BCAS1: variants seen among roughly 807,000 people sequenced by gnomAD.
BCAS1 encodes breast carcinoma-amplified sequence 1.
BCAS1 carries 46 observed loss-of-function variants against 65.4 expected under a neutral mutation model. The ratio of observed to expected loss-of-function variants is 0.70; its 90% CI spans 0.55 to 0.90. The LOEUF is 0.90. Ranked by LOEUF, BCAS1 falls within the 40% of genes least tolerant of loss-of-function variation. The pLI is 0.00. For synonymous variants in BCAS1, 298 were observed against 293.5 expected, an observed-to-expected ratio of 1.02 and a Z score of -0.16; for missense variants, 793 against 771.2, an observed-to-expected ratio of 1.03 and a Z score of -0.33.
intron 9 of BCAS1, among the ~76,000 whole-genome samples, chr20:53,970,272 T>C (rs141484592): frequency 1.1e-4 from 16 of 152,208 alleles, no homozygotes; most frequent in Admixed American, 3.9e-4. Flanking sequence ...AGAACACAAC[T>C]ATTGCAGTAG....
chr20:54,003,307 T>G lies in BCAS1; in HGVS notation c.724-7257A>C, dbSNP rs1257362742. On this transcript the variant is annotated intron_variant, in intron 4 of 12. Coordinates refer to ENST00000688948, the MANE Select transcript of BCAS1 (RefSeq NM_001366298.2). The stretch of plus-strand genomic sequence containing the variant: ...ACACAGAGTAGATTCAGGAGAAACA[T>G]TTGTTAAAGGATGAAAGGATATGGA... 2.0e-5 allele frequency among the ~76,000 whole-genome samples: 3 copies of G among 151,098 alleles called. No homozygotes were observed. The East Asian group carries it at 5.8e-4, about 29-fold the overall frequency.
At chr20:53,996,477 A>AAG (rs1555858545) in intron 4 of BCAS1, among the ~76,000 whole-genome samples, 3 of 145,366 alleles carry the variant, frequency 2.1e-5, no homozygotes, top group African/African-American at 8.0e-5. Context: ...AAAAAAAAAA[A>AAG]AAAAAGAAAA....
chr20:53,993,556 C>G (rs781220911), intron 6 of BCAS1, among the ~76,000 whole-genome samples: 1 of 152,126 alleles, frequency 6.6e-6, no homozygotes, highest in Non-Finnish European at 1.5e-5. Flanking sequence ...CAGTTTTGAC[C>G]ACATTCTGGG....
chr20:53,950,222 C>T (rs1479343945), intron 12 of BCAS1, among the ~76,000 whole-genome samples: 1 of 152,174 alleles, frequency 6.6e-6, no homozygotes, highest in African/African-American at 2.4e-5. Context: ...CCCTACCTCT[C>T]CACCCTCAGC....
intron 12 of BCAS1, among the ~76,000 whole-genome samples, chr20:53,951,811 C>T (rs2089535288): frequency 6.6e-6 from 1 of 152,176 alleles, no homozygotes; most frequent in African/African-American, 2.4e-5. Context: ...TCAATGAAAC[C>T]ACTGCAAGGA....
chr20:53,971,216 CAT>C (rs1443775549), intron 9 of BCAS1, among the ~76,000 whole-genome samples: 1 of 152,210 alleles, frequency 6.6e-6, no homozygotes, highest in Non-Finnish European at 1.5e-5. Flanking sequence ...GTAGAAATGA[CAT>C]ATACCATGCC....
At chr20:53,993,544 T>A (rs1444350163) in intron 6 of BCAS1, among the ~76,000 whole-genome samples, 2 of 152,026 alleles carry the variant, frequency 1.3e-5, no homozygotes, top group Non-Finnish European at 2.9e-5. Context: ...GCTGGGTACG[T>A]TCAGTTTTGA....
intron 10 of BCAS1, among the ~76,000 whole-genome samples, chr20:53,963,753 A>G (rs6091796): frequency 0.022 from 3,301 of 152,314 alleles, 85 homozygotes; most frequent in East Asian, 0.098. Flanking sequence ...TCTTTCCTGC[A>G]TAAATCCGAA....
chr20:54,060,293 A>C (rs1568933118), intron 1 of BCAS1, among the ~76,000 whole-genome samples: 1 of 152,226 alleles, frequency 6.6e-6, no homozygotes, highest in African/African-American at 2.4e-5. Flanking sequence ...ACAAAAATGC[A>C]TAGGGTTCTA....
At position 53,985,306 on chromosome 20, in the gene BCAS1, C is replaced by G; in HGVS notation, c.1256G>C (p.Gly419Ala). 1 of 1,613,514 alleles carries G rather than the reference C, an allele frequency of 6.2e-7. No individual in the cohort carries two copies. Among genetic ancestry groups the G allele is most frequent in the Admixed American group, 1.7e-5 (1 of 60,006 alleles). ...EKSGPTSLPL[G>A]KLFWKKSVKE... Reference sequence around the variant, plus strand: ...ACTTACCTTTTTCCAAAACAGTTTGCCCAGAGGCAGAGAGGTGGGTCCTGA... The same window carrying G: ...ACTTACCTTTTTCCAAAACAGTTTGGCCAGAGGCAGAGAGGTGGGTCCTGA... The change falls in exon 8 of 13, where the codon GGC (glycine) becomes GCC (alanine). Residue 419 changes from glycine to alanine, a missense_variant. Gly to Ala is a moderately conservative substitution (Grantham distance 60). Transcript: ENST00000688948.
chr20:53,962,578 C>T (rs1837754373), intron 10 of BCAS1, among the ~76,000 whole-genome samples: 1 of 152,178 alleles, frequency 6.6e-6, no homozygotes, highest in African/African-American at 2.4e-5. Context: ...CACATGAATG[C>T]AGTATTCTAC....
At chr20:53,949,297 C>G (rs899892593) in intron 12 of BCAS1, among the ~76,000 whole-genome samples, 1 of 152,158 alleles carries the variant, frequency 6.6e-6, no homozygotes, top group Non-Finnish European at 1.5e-5. Context: ...TGTTTTCAAA[C>G]AGTTGGACTT....
chr20:54,023,729 T>C (rs1180853698), intron 4 of BCAS1, among the ~76,000 whole-genome samples: 1 of 152,214 alleles, frequency 6.6e-6, no homozygotes, highest in Non-Finnish European at 1.5e-5. Flanking sequence ...GTGGAAACCC[T>C]TAAATGTCAG....
At chr20:53,996,461 T>TAAAAAAAA (rs143929524) in intron 4 of BCAS1, among the ~76,000 whole-genome samples, 34 of 92,066 alleles carry the variant, frequency 3.7e-4, no homozygotes, top group Non-Finnish European at 5.0e-4. Flanking sequence ...TTATATCAAC[T>TAAAAAAAA]AAAAAAAAAA....
At chr20:54,009,055 T>A (rs906713084) in intron 4 of BCAS1, among the ~76,000 whole-genome samples, 2 of 152,166 alleles carry the variant, frequency 1.3e-5, no homozygotes, top group African/African-American at 4.8e-5. Context: ...TCAAGTGATC[T>A]GCCCGCCTTG....
chr20:53,995,147 G>T, intron 5 of BCAS1, 91 bp from the exon 6 acceptor site: 1 of 1,092,728 alleles, frequency 9.2e-7, no homozygotes, highest in Non-Finnish European at 1.4e-6. Flanking sequence ...GGGTGGTCCA[G>T]TTCACCATAC....
At chr20:54,068,298 G>C (rs3787551) in intron 1 of BCAS1, 1 of 154,228 alleles carries the variant, frequency 6.5e-6, no homozygotes, top group Non-Finnish European at 1.5e-5. Context: ...CTTAGAGCTC[G>C]CTCTCATAGT....
rs752945050 is a variant in BCAS1 at position 54,028,885 on chromosome 20, C to T, written c.230G>A (p.Gly77Glu). ...TEISAVADAN[G>E]KNLGKEAKPE... ...TTTGGCCTCTTTCCCAAGATTCTTT[C>T]CGTTGGCATCCGCAACAGCACTTAT... The change falls in exon 4 of 13, where the codon GGA becomes GAA. Residue 77 changes from glycine (G) to glutamate (E), a missense_variant. Coordinates refer to ENST00000688948, the MANE Select transcript of BCAS1 (RefSeq NM_001366298.2). 2 of 1,614,024 alleles carry T rather than the reference C, an allele frequency of 1.2e-6. No individual in the cohort carries two copies. The highest frequency in any genetic ancestry group is 3.3e-5 in the Admixed American group (2 of 59,992).
intron 4 of BCAS1, among the ~76,000 whole-genome samples, chr20:54,001,298 G>A (rs768327732): frequency 1.3e-5 from 2 of 152,062 alleles, no homozygotes; most frequent in Admixed American, 6.6e-5. Context: ...CACTAACTTC[G>A]GGAGGAATTT....
Sources: gnomAD v4.1 joint callset for allele counts (sites outside exome capture counted in the v4.1 genomes callset) on GRCh38, gnomAD v4.1.1 for gene constraint, MANE v1.5 for transcripts, NCBI Gene and HGNC (gene_info 2026-07-23, HGNC 2026-07-21) for gene names.